The following NEO1 variants were observed in gnomAD, a reference collection of about 807,000 sequenced individuals.
The protein encoded by NEO1 is neogenin.
A neutral mutation model predicts 159.7 loss-of-function variants in NEO1; 63 were observed. That is an observed-to-expected ratio of 0.39 (90% confidence interval 0.32 to 0.49). NEO1 has a LOEUF of 0.49. NEO1 is among the 20% of genes least tolerant of loss of function. The probability of loss-of-function intolerance (pLI) is 0.85; values close to 1 mark genes in which losing one functional copy is unlikely to be tolerated. For missense variants in NEO1, 1,615 were observed against 1,831.0 expected (o/e 0.88, Z 2.15); for synonymous variants, 633 against 662.0 (o/e 0.96, Z 0.67).
At chr15:73,081,297 C>G (rs531442105) in intron 1 of NEO1, among the ~76,000 whole-genome samples, 39 of 151,152 alleles carry the variant, frequency 2.6e-4, no homozygotes, top group Non-Finnish European at 3.4e-4. Context: ...TAGATAATCA[C>G]ATTTTAAAAC....
At chr15:73,253,758 G>T (rs531937797) in intron 12 of NEO1, among the ~76,000 whole-genome samples, 1 of 152,234 alleles carries the variant, frequency 6.6e-6, no homozygotes, top group South Asian at 2.1e-4. Context: ...CAATTAAATT[G>T]CTCTTTTTCT....
At chr15:73,274,796 C>CT (rs201909530) in intron 21 of NEO1, 72 bp downstream of exon 21, 98,891 of 1,060,594 alleles carry the variant, frequency 0.093, 5 homozygotes, top group South Asian at 0.1. Flanking sequence ...GTTTTTGTTT[C>CT]TTTTTTTTTT....
chr15:73,105,528 G>A (rs948390138), intron 1 of NEO1, among the ~76,000 whole-genome samples: 18 of 152,152 alleles, frequency 1.2e-4, no homozygotes, highest in African/African-American at 4.3e-4. Flanking sequence ...AATATACTCA[G>A]CATTTAAAGT....
In NEO1 at chr15:73,052,539, G is replaced by T. The variant is rs943525249; in HGVS notation, c.-137G>T. ...CGAGAGGGGCTGCGCGGGCCGGGCCGGGCCGGGCTGGGCTGGAGCAGCGGC... is the reference window on the plus strand; with the variant it reads ...CGAGAGGGGCTGCGCGGGCCGGGCCTGGCCGGGCTGGGCTGGAGCAGCGGC... On this transcript the variant is annotated 5_prime_UTR_variant, in exon 1 of 29. Transcript: ENST00000261908. The T allele has an allele frequency of 8.4e-6, 3 of 358,376 alleles. No homozygotes were observed. The highest frequency in any genetic ancestry group is 4.4e-5 in the African/African-American group (2 of 45,184). The allele number at this position is 358,376 out of a possible 1,614,324, so 22.2% of individuals were successfully genotyped here.
chr15:73,267,848 C>T (rs1312993675), intron 16 of NEO1, among the ~76,000 whole-genome samples: 1 of 152,088 alleles, frequency 6.6e-6, no homozygotes, highest in Admixed American at 6.5e-5. Flanking sequence ...TTTAAAAGGG[C>T]ACTGGAAACC....
chr15:73,191,141 GT>G (rs1397027333), intron 7 of NEO1, among the ~76,000 whole-genome samples: 1 of 151,998 alleles, frequency 6.6e-6, no homozygotes, highest in African/African-American at 2.4e-5. Context: ...AACAAACCTT[GT>G]GCTAAAAGTC....
chr15:73,204,292 T>C (rs1207396163), intron 7 of NEO1, among the ~76,000 whole-genome samples: 1 of 151,840 alleles, frequency 6.6e-6, no homozygotes, highest in African/African-American at 2.4e-5. Context: ...ATGATGTGCT[T>C]AGGTGTAGAT....
At position 73,244,423 on chromosome 15, in the gene NEO1, T is replaced by G. The variant is rs765737135; in HGVS notation, c.1531T>G (p.Phe511Val). The G allele has an allele frequency of 6.2e-7, 1 of 1,614,036 alleles. No homozygotes were observed. The highest frequency in any genetic ancestry group is 1.3e-5 in the African/African-American group (1 of 75,020). Residue 511 changes from phenylalanine (F) to valine (V), a missense_variant, in exon 9 of 29, where the codon TTT (phenylalanine) becomes GTT (valine). Phe to Val is a conservative substitution (Grantham distance 50). Coordinates refer to ENST00000261908, the MANE Select transcript of NEO1 (RefSeq NM_002499.4). ...QNLMPATVYI[F>V]RVMAQNKHGS... ...CCTAATGCCAGCGACCGTGTACATCTTTAGAGTTATGGCTCAAAATAAGCA... is the reference window on the plus strand; with the variant it reads ...CCTAATGCCAGCGACCGTGTACATCGTTAGAGTTATGGCTCAAAATAAGCA...
intron 7 of NEO1, among the ~76,000 whole-genome samples, chr15:73,201,266 G>A (rs962622964): frequency 1.3e-5 from 2 of 150,912 alleles, no homozygotes; most frequent in Admixed American, 6.6e-5. Context: ...TATAATCTAA[G>A]TTTCACTTAT....
chr15:73,245,737 G>A (rs968520115), intron 9 of NEO1, among the ~76,000 whole-genome samples: 16 of 137,230 alleles, frequency 1.2e-4, no homozygotes, highest in African/African-American at 3.0e-4. Context: ...ACCATGCCTA[G>A]CTAATTTTTT....
Position 73,160,152 on chromosome 15 carries a change from C to G in NEO1, c.1016-16251C>G, listed in dbSNP as rs112611969. ...TCATGATAGTTTTTAATTATGTATACTTTTAATTTTTCTATGTAGTCCTCT... is the reference window on the plus strand; with the variant it reads ...TCATGATAGTTTTTAATTATGTATAGTTTTAATTTTTCTATGTAGTCCTCT... On this transcript the variant is annotated intron_variant, in intron 5 of 28. Transcript: ENST00000261908. Among the ~76,000 whole-genome samples the G allele has an allele frequency of 3.1e-4, 47 of 152,042 alleles. 1 individual carries two copies. Among genetic ancestry groups the G allele is most frequent in the African/African-American group, 1.1e-3 (44 of 41,426 alleles).
chr15:73,056,087 C>G (rs546422875), intron 1 of NEO1, among the ~76,000 whole-genome samples: 4 of 152,344 alleles, frequency 2.6e-5, no homozygotes, highest in Non-Finnish European at 5.9e-5. Flanking sequence ...TACTAGTGTT[C>G]TGTAGCTTGG....
intron 11 of NEO1, among the ~76,000 whole-genome samples, chr15:73,250,792 T>C (rs977972871): frequency 2.0e-5 from 3 of 152,210 alleles, no homozygotes; most frequent in African/African-American, 7.2e-5. Context: ...CTTTGGATCC[T>C]GCATCTGGAG....
At chr15:73,166,806 C>T (rs1260319914) in intron 5 of NEO1, among the ~76,000 whole-genome samples, 2 of 152,132 alleles carry the variant, frequency 1.3e-5, no homozygotes, top group African/African-American at 4.8e-5. Flanking sequence ...TCAGTTCCCC[C>T]TTACCTGATG....
chr15:73,077,710 CG>C (rs2068843428), intron 1 of NEO1, among the ~76,000 whole-genome samples: 1 of 152,086 alleles, frequency 6.6e-6, no homozygotes, highest in South Asian at 2.1e-4. Flanking sequence ...TGCTAGGTAA[CG>C]GGAGAAATAA....
intron 8 of NEO1, 95 bp downstream of exon 8, chr15:73,236,601 A>G: frequency 9.5e-7 from 1 of 1,052,742 alleles, no homozygotes; most frequent in Non-Finnish European, 1.4e-6. Flanking sequence ...ACCAATTTTT[A>G]GTCCAGAAAA....
chr15:73,274,816 GA>G, intron 21 of NEO1, 92 bp downstream of exon 21: 1 of 1,091,638 alleles, frequency 9.2e-7, no homozygotes, highest in Non-Finnish European at 1.3e-6. Context: ...TTTTTTTCCT[GA>G]AAAATCAGCA....
chr15:73,196,533 T>C (rs1282099820), intron 7 of NEO1, among the ~76,000 whole-genome samples: 1 of 152,260 alleles, frequency 6.6e-6, no homozygotes, highest in African/African-American at 2.4e-5. Flanking sequence ...ATTGTTTGAA[T>C]ACTCAAAACA....
chr15:73,097,835 C>A (rs2070164391), intron 1 of NEO1, among the ~76,000 whole-genome samples: 1 of 129,284 alleles, frequency 7.7e-6, no homozygotes, highest in South Asian at 2.4e-4. Flanking sequence ...GCGTAGAGAC[C>A]AAAACCTGAG....
Sources: allele counts gnomAD v4.1 joint callset (sites outside exome capture counted in the v4.1 genomes callset), GRCh38; gene constraint gnomAD v4.1.1; transcripts MANE v1.5; gene names NCBI Gene and HGNC (gene_info 2026-07-23, HGNC 2026-07-21).